The following KCNK9 variants were observed in gnomAD, a reference collection of about 807,000 sequenced individuals.
KCNK9 encodes potassium two pore domain channel subfamily K member 9, also known as potassium channel subfamily K member 9.
KCNK9 carries 1 observed loss-of-function variant against 10.8 expected under a neutral mutation model. The ratio of observed to expected loss-of-function variants is 0.09; its 90% CI spans 0.03 to 0.44. The LOEUF is 0.44. Ranked by LOEUF, KCNK9 falls within the 20% of genes least tolerant of loss-of-function variation. The pLI, the probability that KCNK9 is intolerant of heterozygous loss-of-function variation, is 0.97. For missense variants in KCNK9, 303 were observed against 515.0 expected, an observed-to-expected ratio of 0.59 and a Z score of 3.98; for synonymous variants, 231 against 222.7, an observed-to-expected ratio of 1.04 and a Z score of -0.33.
Position 139,702,771 on chromosome 8 carries a change from G to C in KCNK9, c.222C>G (p.Ala74=), listed in dbSNP as rs767548451. 3 of 1,613,540 alleles carry C rather than the reference G, an allele frequency of 1.9e-6. No homozygotes were observed. Among genetic ancestry groups the C allele is most frequent in the Admixed American group, 1.7e-5 (1 of 60,000 alleles). Residue 74 remains alanine, a synonymous_variant, in exon 1 of 2, where the codon GCC becomes GCG. Transcript: ENST00000520439. This position sits in a 1 kb window ranked among gnomAD's most constrained non-coding sequence, Gnocchi z 7.5. ...AGCCGGCGAATTTCCACTGGACGCC[G>C]GCGCGGTGCGGTTCCGACTGCAGGA... The part of the protein sequence containing the change: ...LVILQSEPHR[A]GVQWKFAGSF...
chr8:139,650,687 A>G (rs1217908182), intron 1 of KCNK9, among the ~76,000 whole-genome samples: 1 of 152,190 alleles, frequency 6.6e-6, no homozygotes, highest in Non-Finnish European at 1.5e-5. Flanking sequence ...TGGAAAGTTT[A>G]CAACTGCACC....
Position 139,647,355 on chromosome 8 carries a change from T to C in KCNK9, c.284-28256A>G, listed in dbSNP as rs1034257826. Among the ~76,000 whole-genome samples the C allele has an allele frequency of 1.1e-4, 17 of 152,350 alleles. 2 individuals carry two copies. Among genetic ancestry groups the C allele is most frequent in the Admixed American group, 1.0e-3 (16 of 15,314 alleles). On this transcript the variant is annotated intron_variant, in intron 1 of 1. Transcript: ENST00000520439. ...ACAAACAGCCCATGAGGACCTGCTG[T>C]TTGCCAGGCACAGCTGTAGACATGT...
At chr8:139,659,993 G>T (rs1356826609) in intron 1 of KCNK9, among the ~76,000 whole-genome samples, 1 of 152,144 alleles carries the variant, frequency 6.6e-6, no homozygotes, top group Non-Finnish European at 1.5e-5. Flanking sequence ...GATGGAGATG[G>T]GATGGAAAGA....
intron 1 of KCNK9, among the ~76,000 whole-genome samples, chr8:139,690,282 G>C (rs1033199653): frequency 2.0e-5 from 3 of 152,286 alleles, no homozygotes; most frequent in Admixed American, 2.0e-4. Context: ...CTGTAAAACG[G>C]GGATACATGA....
At chr8:139,671,137 T>C (rs1816417272) in intron 1 of KCNK9, among the ~76,000 whole-genome samples, 1 of 152,178 alleles carries the variant, frequency 6.6e-6, no homozygotes, top group Admixed American at 6.5e-5. Flanking sequence ...CAACCACAGG[T>C]CTGTCAAGTG....
chr8:139,623,428 T>C (rs1172519818), intron 1 of KCNK9, among the ~76,000 whole-genome samples: 2 of 152,152 alleles, frequency 1.3e-5, no homozygotes, highest in Non-Finnish European at 2.9e-5. Flanking sequence ...ACTTCTTTCC[T>C]GGAAATCTCC....
At chr8:139,657,152 G>A (rs1028466730) in intron 1 of KCNK9, among the ~76,000 whole-genome samples, 1 of 152,174 alleles carries the variant, frequency 6.6e-6, no homozygotes, top group Non-Finnish European at 1.5e-5. Flanking sequence ...GTCTCTCTTG[G>A]GGAAGTGAGA....
intron 1 of KCNK9, among the ~76,000 whole-genome samples, chr8:139,663,222 A>T (rs1354929763): frequency 3.3e-5 from 5 of 152,250 alleles, no homozygotes; most frequent in African/African-American, 1.2e-4. Flanking sequence ...ACACGTGCAC[A>T]CACACAGGGT....
intron 1 of KCNK9, among the ~76,000 whole-genome samples, chr8:139,633,891 G>A (rs73724470): frequency 0.032 from 4,853 of 152,364 alleles, 253 homozygotes; most frequent in African/African-American, 0.11. Flanking sequence ...CCTCTCCCTG[G>A]AGCCTGCAGC....
intron 1 of KCNK9, among the ~76,000 whole-genome samples, chr8:139,641,883 G>A (rs990574649): frequency 6.6e-6 from 1 of 152,196 alleles, no homozygotes; most frequent in Non-Finnish European, 1.5e-5. Flanking sequence ...CACTCAGGGA[G>A]TAGTCACTGG....
chr8:139,639,904 G>A (rs1006467000), intron 1 of KCNK9, among the ~76,000 whole-genome samples: 14 of 151,730 alleles, frequency 9.2e-5, no homozygotes, highest in Admixed American at 2.0e-4. Context: ...TGCAAGATGC[G>A]CTAAGGACCC....
chr8:139,613,090 G>A (rs990557736), downstream of KCNK9, among the ~76,000 whole-genome samples: 22 of 152,216 alleles, frequency 1.4e-4, no homozygotes, highest in African/African-American at 4.6e-4. Flanking sequence ...TTTCTTAGGC[G>A]TGACAATGGC....
chr8:139,700,520 GCACACACACACACACACACGCGCGCACA>G (rs1172738970), intron 1 of KCNK9, among the ~76,000 whole-genome samples: 2 of 141,320 alleles, frequency 1.4e-5, no homozygotes, highest in African/African-American at 5.4e-5. Context: ...GCGCGCGCGC[GCACACACACACACACACACGCGCGCACA>G]CACACACACA....
intron 1 of KCNK9, among the ~76,000 whole-genome samples, chr8:139,696,613 G>T (rs1235779911): frequency 1.3e-5 from 2 of 152,104 alleles, no homozygotes; most frequent in Non-Finnish European, 2.9e-5. Flanking sequence ...GTGAGTTGAG[G>T]ACCCACTGAG....
chr8:139,633,080 C>T (rs897967629), intron 1 of KCNK9, among the ~76,000 whole-genome samples: 9 of 152,066 alleles, frequency 5.9e-5, no homozygotes, highest in South Asian at 4.2e-4. Context: ...TGCAGCCTGC[C>T]GTGTGACGCT....
chr8:139,692,726 C>T (rs1027801630), intron 1 of KCNK9, among the ~76,000 whole-genome samples: 3 of 152,276 alleles, frequency 2.0e-5, no homozygotes, highest in East Asian at 1.9e-4. Flanking sequence ...CCCTGCAGCC[C>T]GGATAAGCTC....
chr8:139,667,457 G>A (rs1201698271), intron 1 of KCNK9, among the ~76,000 whole-genome samples: 1 of 152,212 alleles, frequency 6.6e-6, no homozygotes, highest in Non-Finnish European at 1.5e-5. Context: ...TAGCACTTTG[G>A]GAGGCCGAGG....
intron 1 of KCNK9, among the ~76,000 whole-genome samples, chr8:139,669,276 G>A (rs1486778794): frequency 6.6e-6 from 1 of 152,192 alleles, no homozygotes; most frequent in Non-Finnish European, 1.5e-5. Flanking sequence ...AGACAACAAT[G>A]AAGTTTGCTG....
At chr8:139,699,636 G>A (rs182445294) in intron 1 of KCNK9, among the ~76,000 whole-genome samples, 22 of 152,332 alleles carry the variant, frequency 1.4e-4, no homozygotes, top group African/African-American at 5.1e-4. Context: ...TGCCCTTTGC[G>A]GGGCCCAGCT....
Sources: allele counts gnomAD v4.1 joint callset (sites outside exome capture counted in the v4.1 genomes callset), GRCh38; gene constraint gnomAD v4.1.1; non-coding constraint Gnocchi (gnomAD v3.1); transcripts MANE v1.5; gene names NCBI Gene and HGNC (gene_info 2026-07-23, HGNC 2026-07-21).